Variants in LRRTM3 observed in about 807,000 individuals in gnomAD.
LRRTM3 encodes the protein leucine-rich repeat transmembrane neuronal protein 3.
In LRRTM3, 24 loss-of-function variants were observed where a neutral mutation model predicts 44.7. The ratio of observed to expected loss-of-function variants is 0.54; its 90% CI spans 0.39 to 0.76. LRRTM3 has a LOEUF of 0.76. Ranked by LOEUF, LRRTM3 falls within the 30% of genes least tolerant of loss-of-function variation. The pLI is 0.00. For missense variants in LRRTM3, 587 were observed against 702.2 expected, an observed-to-expected ratio of 0.84 and a Z score of 1.85; for synonymous variants, 277 against 278.7, an observed-to-expected ratio of 0.99 and a Z score of 0.06.
chr10:66,983,723 A>T (rs1411935890), intron 2 of LRRTM3, among the ~76,000 whole-genome samples: 1 of 152,226 alleles, frequency 6.6e-6, no homozygotes, highest in Non-Finnish European at 1.5e-5. Context: ...ACAGCAAAAT[A>T]AATTATCCCA....
intron 2 of LRRTM3, among the ~76,000 whole-genome samples, chr10:67,062,287 T>C (rs564810532): frequency 6.6e-6 from 1 of 152,282 alleles, no homozygotes; most frequent in South Asian, 2.1e-4. Flanking sequence ...TTATAGCATA[T>C]AAGCTCCTAT....
intron 2 of LRRTM3, among the ~76,000 whole-genome samples, chr10:66,957,534 G>A (rs1393939042): frequency 6.6e-6 from 1 of 151,122 alleles, no homozygotes; most frequent in African/African-American, 2.4e-5. Flanking sequence ...AAGGACATTA[G>A]AATAGGGTAA....
At chr10:67,074,363 T>A (rs1856630222) in intron 2 of LRRTM3, among the ~76,000 whole-genome samples, 1 of 139,334 alleles carries the variant, frequency 7.2e-6, no homozygotes, top group African/African-American at 2.7e-5. Flanking sequence ...TTTTTTTTTT[T>A]TTTTTGAGAC....
At chr10:67,094,424 T>C (rs550475687) in intron 2 of LRRTM3, among the ~76,000 whole-genome samples, 10 of 151,992 alleles carry the variant, frequency 6.6e-5, no homozygotes, top group African/African-American at 1.9e-4. Flanking sequence ...ATAGCAATTG[T>C]ATTTAATGTA....
At chr10:66,991,926 G>T (rs558507366) in intron 2 of LRRTM3, among the ~76,000 whole-genome samples, 1 of 152,138 alleles carries the variant, frequency 6.6e-6, no homozygotes, top group Admixed American at 6.5e-5. Flanking sequence ...ACTCCTGTTG[G>T]CCATTAACCT....
chr10:66,934,241 T>G (rs1847568129), intron 2 of LRRTM3, among the ~76,000 whole-genome samples: 1 of 152,162 alleles, frequency 6.6e-6, no homozygotes. Context: ...TGATAATTAA[T>G]AACTTTATTA....
chr10:67,051,406 A>C, intron 2 of LRRTM3, among the ~76,000 whole-genome samples: 1 of 152,236 alleles, frequency 6.6e-6, no homozygotes, highest in South Asian at 2.1e-4. Flanking sequence ...TTAACAGCTA[A>C]TAAGCCAAGA....
intron 2 of LRRTM3, among the ~76,000 whole-genome samples, chr10:66,997,052 T>C (rs569314572): frequency 6.6e-6 from 1 of 152,322 alleles, no homozygotes; most frequent in African/African-American, 2.4e-5. Context: ...ATATTAATAC[T>C]AACAGAGAGT....
chr10:66,959,786 C>A (rs1849018190), intron 2 of LRRTM3, among the ~76,000 whole-genome samples: 1 of 152,112 alleles, frequency 6.6e-6, no homozygotes, highest in South Asian at 2.1e-4. Context: ...CTCTATCCGA[C>A]CAGAAACTCA....
At position 66,995,852 on chromosome 10, in the gene LRRTM3, T is replaced by G. The variant is rs558387279; in HGVS notation, c.1536+67400T>G. Among the ~76,000 whole-genome samples, 96 of 152,316 alleles carry G rather than the reference T, an allele frequency of 6.3e-4. 1 individual carries two copies. Among genetic ancestry groups the G allele is most frequent in the African/African-American group, 2.2e-3 (90 of 41,574 alleles). The stretch of plus-strand genomic sequence containing the variant: ...ACCTTCCTGAAATCCACAGAGGAAA[T>G]TATACACTTCCATCTTTGTTTCATA... On this transcript the variant is annotated intron_variant, in intron 2 of 2. Coordinates refer to ENST00000361320, the MANE Select transcript of LRRTM3 (RefSeq NM_178011.5).
chr10:66,972,884 G>A lies in LRRTM3; in HGVS notation c.1536+44432G>A, dbSNP rs150451726. The stretch of plus-strand genomic sequence containing the variant: ...TGCCACCACGCCTGGCTAATTGTCT[G>A]TATTTTTAGTAGAGATGGGGTTTCA... On this transcript the variant is annotated intron_variant, in intron 2 of 2. Coordinates refer to ENST00000361320, the MANE Select transcript of LRRTM3 (RefSeq NM_178011.5). 8.2e-3 allele frequency among the ~76,000 whole-genome samples: 1,244 copies of A among 151,552 alleles called. 23 individuals are homozygous for A. Among genetic ancestry groups the A allele is most frequent in the African/African-American group, 0.029 (1,176 of 41,124 alleles).
chr10:67,056,183 G>A (rs1387703905), intron 2 of LRRTM3, among the ~76,000 whole-genome samples: 1 of 152,118 alleles, frequency 6.6e-6, no homozygotes, highest in Admixed American at 6.6e-5. Context: ...TCACATAAGA[G>A]TTGATTAACT....
intron 2 of LRRTM3, among the ~76,000 whole-genome samples, chr10:67,034,666 C>T (rs1400525420): frequency 1.3e-5 from 2 of 152,174 alleles, no homozygotes; most frequent in African/African-American, 2.4e-5. Context: ...TACACCTAAT[C>T]TTTCTCAAAC....
At chr10:67,039,856 C>A (rs1925632) in intron 2 of LRRTM3, among the ~76,000 whole-genome samples, 53,667 of 151,952 alleles carry the variant, frequency 0.35, 11,211 homozygotes, top group East Asian at 0.51. Context: ...CTTCCAAGAC[C>A]GTTACAGATT....
chr10:67,072,799 A>G (rs1357582587), intron 2 of LRRTM3, among the ~76,000 whole-genome samples: 3 of 152,124 alleles, frequency 2.0e-5, no homozygotes, highest in Admixed American at 6.5e-5. Flanking sequence ...AAAGAGTTCA[A>G]TGGTATGTTT....
intron 2 of LRRTM3, among the ~76,000 whole-genome samples, chr10:67,040,578 G>A (rs757218965): frequency 6.6e-6 from 1 of 151,900 alleles, no homozygotes; most frequent in East Asian, 1.9e-4. Context: ...ATATAAGATG[G>A]AATTTTTTTC....
chr10:66,967,821 T>C (rs1056362456), intron 2 of LRRTM3, among the ~76,000 whole-genome samples: 3 of 152,142 alleles, frequency 2.0e-5, no homozygotes, highest in Non-Finnish European at 1.5e-5. Context: ...AGAAAGAATA[T>C]ATCCCCTCGA....
intron 2 of LRRTM3, among the ~76,000 whole-genome samples, chr10:66,950,348 G>GA (rs1392759686): frequency 3.3e-5 from 5 of 151,374 alleles, no homozygotes; most frequent in African/African-American, 1.2e-4. Flanking sequence ...TTACAGGGAG[G>GA]AAAAAATCTT....
At chr10:66,947,149 T>C (rs2132705152) in intron 2 of LRRTM3, among the ~76,000 whole-genome samples, 1 of 152,188 alleles carries the variant, frequency 6.6e-6, no homozygotes, top group Middle Eastern at 3.4e-3. Flanking sequence ...AGAAAAAACT[T>C]GCATAAACTA....
Sources: allele counts gnomAD v4.1 joint callset (sites outside exome capture counted in the v4.1 genomes callset), GRCh38; gene constraint gnomAD v4.1.1; transcripts MANE v1.5; gene names NCBI Gene and HGNC (gene_info 2026-07-23, HGNC 2026-07-21).